Variants in GRM5 observed in about 807,000 individuals in gnomAD.
GRM5 encodes glutamate metabotropic receptor 5.
A neutral mutation model predicts 83.1 loss-of-function variants in GRM5; 19 were observed. That is an observed-to-expected ratio of 0.23 (90% confidence interval 0.16 to 0.34). The LOEUF is 0.34. Among genes scored for constraint, GRM5 ranks in the 10% least tolerant of loss-of-function variants. GRM5 has a pLI of 1.00. For synonymous variants in GRM5, 675 were observed against 633.6 expected (o/e 1.07, Z -0.98); for missense variants, 1,160 against 1,588.3 (o/e 0.73, Z 4.58).
At chr11:88,905,896 A>G (rs1590954021) in intron 2 of GRM5, among the ~76,000 whole-genome samples, 1 of 152,322 alleles carries the variant, frequency 6.6e-6, no homozygotes, top group East Asian at 1.9e-4. Context: ...GAAGAGAAAC[A>G]TATGCATTCT....
chr11:89,056,368 G>T (rs1941874430), intron 1 of GRM5, among the ~76,000 whole-genome samples: 1 of 152,066 alleles, frequency 6.6e-6, no homozygotes, highest in South Asian at 2.1e-4. Flanking sequence ...TCTCCTTGTG[G>T]TGAGATTTCT....
In GRM5 at chr11:89,000,214, C is replaced by T. The variant is rs1395562445; in HGVS notation, c.661+46998G>A. 3.9e-5 allele frequency among the ~76,000 whole-genome samples: 6 copies of T among 151,920 alleles called. No homozygotes were observed. In the East Asian group the frequency reaches 5.8e-4, roughly 15 times the overall value. ...GTAACAAACCTGCATGTTGTGCACACGTACCCTAAAACTTAAAGTATAACA... is the reference window on the plus strand; with the variant it reads ...GTAACAAACCTGCATGTTGTGCACATGTACCCTAAAACTTAAAGTATAACA... On this transcript the variant is annotated intron_variant, in intron 2 of 9. Transcript: ENST00000305447.
At chr11:88,547,006 T>C (rs542674780) in intron 8 of GRM5, among the ~76,000 whole-genome samples, 1 of 152,270 alleles carries the variant, frequency 6.6e-6, no homozygotes, top group African/African-American at 2.4e-5. Flanking sequence ...GATGTATAGA[T>C]ATATGATATT....
chr11:88,595,214 T>C (rs112411236), intron 6 of GRM5, among the ~76,000 whole-genome samples: 1 of 152,202 alleles, frequency 6.6e-6, no homozygotes, highest in Non-Finnish European at 1.5e-5. Context: ...GTAATTAGCA[T>C]AGCCATCATC....
chr11:88,708,658 T>C (rs1445053623), intron 3 of GRM5, among the ~76,000 whole-genome samples: 2 of 152,070 alleles, frequency 1.3e-5, no homozygotes, highest in Non-Finnish European at 2.9e-5. Context: ...GCCTCAAACA[T>C]TCAGGGTTTA....
chr11:88,930,542 G>A (rs1465821704), intron 2 of GRM5, among the ~76,000 whole-genome samples: 2 of 151,944 alleles, frequency 1.3e-5, no homozygotes, highest in Non-Finnish European at 2.9e-5. Context: ...GTTTTTTTGA[G>A]ATGGGAGTTT....
intron 3 of GRM5, among the ~76,000 whole-genome samples, chr11:88,809,037 G>T (rs1200237808): frequency 6.6e-6 from 1 of 151,960 alleles, no homozygotes; most frequent in African/African-American, 2.4e-5. Flanking sequence ...TTTCTGTTTG[G>T]AGACTGTTAA....
At chr11:89,010,096 G>A (rs1326073270) in intron 2 of GRM5, among the ~76,000 whole-genome samples, 4 of 149,058 alleles carry the variant, frequency 2.7e-5, no homozygotes, top group Non-Finnish European at 4.4e-5. Flanking sequence ...CATGTATATG[G>A]CCATATACAT....
chr11:88,539,543 A>G (rs757808488), intron 8 of GRM5, among the ~76,000 whole-genome samples: 3 of 152,162 alleles, frequency 2.0e-5, no homozygotes, highest in Non-Finnish European at 4.4e-5. Context: ...AATAACTTCT[A>G]TAACCAGGCA....
intron 2 of GRM5, among the ~76,000 whole-genome samples, chr11:88,971,338 A>C (rs1408325537): frequency 6.6e-6 from 1 of 152,120 alleles, no homozygotes; most frequent in East Asian, 1.9e-4. Context: ...ACATATAGGT[A>C]AATTGTGTGC....
At chr11:88,819,875 G>C (rs377207769) in intron 3 of GRM5, among the ~76,000 whole-genome samples, 58 of 152,160 alleles carry the variant, frequency 3.8e-4, no homozygotes, top group African/African-American at 1.3e-3. Flanking sequence ...ATATGTGTGC[G>C]AGAGAGAAAG....
At position 89,055,496 on chromosome 11, in the gene GRM5, G is replaced by A. The variant is rs186165192; in HGVS notation, c.-200-7424C>T. ...TATTGTAGGATGTTTAAGGAAAATAGCATCACAAAACTAGAGAGGGCCCTG... is the reference window on the plus strand; with the variant it reads ...TATTGTAGGATGTTTAAGGAAAATAACATCACAAAACTAGAGAGGGCCCTG... On this transcript the variant is annotated intron_variant, in intron 1 of 9. Coordinates refer to ENST00000305447, the MANE Select transcript of GRM5 (RefSeq NM_001143831.3). Among the ~76,000 whole-genome samples, 45 of 152,056 alleles carry A rather than the reference G, an allele frequency of 3.0e-4. No homozygotes were observed. In the East Asian group the frequency reaches 6.8e-3, roughly 23 times the overall value.
intron 3 of GRM5, among the ~76,000 whole-genome samples, chr11:88,654,637 G>A (rs1240325608): frequency 6.6e-6 from 1 of 152,062 alleles, no homozygotes; most frequent in Non-Finnish European, 1.5e-5. Flanking sequence ...CTGGGAGTAG[G>A]GGCAGTGGGT....
intron 2 of GRM5, among the ~76,000 whole-genome samples, chr11:88,906,213 G>C (rs900839420): frequency 6.6e-6 from 1 of 152,000 alleles, no homozygotes; most frequent in Non-Finnish European, 1.5e-5. Flanking sequence ...ATCTACTCTT[G>C]TTTCTGTCAC....
intron 4 of GRM5, among the ~76,000 whole-genome samples, chr11:88,615,072 G>A (rs1211251414): frequency 6.6e-6 from 1 of 152,050 alleles, no homozygotes; most frequent in Non-Finnish European, 1.5e-5. Context: ...AGAAGGGGCC[G>A]ATCAAAACAA....
rs1012702292 is a variant in GRM5 at position 88,509,910 on chromosome 11, C to T, written c.2727-406G>A. 2.0e-5 allele frequency among the ~76,000 whole-genome samples: 3 copies of T among 152,074 alleles called. 1 individual carries two copies. Among genetic ancestry groups the T allele is most frequent in the Admixed American group, 2.0e-4 (3 of 15,276 alleles). On this transcript the variant is annotated intron_variant, in intron 9 of 9. Coordinates refer to ENST00000305447, the MANE Select transcript of GRM5 (RefSeq NM_001143831.3). ...ACAGGGGCTTCCTAGAGTTAGTGGC[C>T]TCTGAAGGAAAACATTACCACTAGG...
intron 3 of GRM5, among the ~76,000 whole-genome samples, chr11:88,840,105 G>A (rs1408500617): frequency 6.6e-6 from 1 of 152,168 alleles, no homozygotes; most frequent in East Asian, 1.9e-4. Flanking sequence ...GGAGAGGCAG[G>A]CACACTTAGT....
At chr11:88,909,545 TACACAC>T (rs60637208) in intron 2 of GRM5, among the ~76,000 whole-genome samples, 52 of 145,852 alleles carry the variant, frequency 3.6e-4, no homozygotes, top group South Asian at 8.7e-4. Context: ...TCCTCACCAG[TACACAC>T]ACACACACAC....
intron 4 of GRM5, among the ~76,000 whole-genome samples, chr11:88,638,767 C>T (rs2135282949): frequency 6.6e-6 from 1 of 152,076 alleles, no homozygotes; most frequent in East Asian, 1.9e-4. Context: ...CATAAAGTTG[C>T]TCATAGTATT....
Sources: gnomAD v4.1 joint callset for allele counts (sites outside exome capture counted in the v4.1 genomes callset) on GRCh38, gnomAD v4.1.1 for gene constraint, MANE v1.5 for transcripts, NCBI Gene and HGNC (gene_info 2026-07-23, HGNC 2026-07-21) for gene names.